The following KCND3 variants were observed in gnomAD, a reference collection of about 807,000 sequenced individuals.
KCND3 encodes the protein A-type voltage-gated potassium channel KCND3.
A neutral mutation model predicts 51.1 loss-of-function variants in KCND3; 9 were observed. The observed-to-expected ratio is 0.18, with a 90% CI of 0.11 to 0.31. The LOEUF is 0.31. KCND3 is among the 10% of genes least tolerant of loss of function. The probability of loss-of-function intolerance (pLI) is 1.00; values close to 1 mark genes in which losing one functional copy is unlikely to be tolerated. For synonymous variants in KCND3, 349 were observed against 368.0 expected (o/e 0.95, Z 0.59); for missense variants, 526 against 903.8 (o/e 0.58, Z 5.36).
intron 2 of KCND3, among the ~76,000 whole-genome samples, chr1:111,978,013 G>T (rs963137693): frequency 6.6e-6 from 1 of 152,202 alleles, no homozygotes; most frequent in African/African-American, 2.4e-5. Flanking sequence ...CCTGGGCAAA[G>T]CATAAAGGGT....
At chr1:111,865,920 G>C (rs1472808363) in intron 2 of KCND3, among the ~76,000 whole-genome samples, 1 of 152,100 alleles carries the variant, frequency 6.6e-6, no homozygotes, top group African/African-American at 2.4e-5. Flanking sequence ...TGCCTAGGCT[G>C]GTCTTAAACT....
chr1:111,945,637 T>G (rs1270992878), intron 2 of KCND3, among the ~76,000 whole-genome samples: 1 of 152,192 alleles, frequency 6.6e-6, no homozygotes. Context: ...CCTTGCCCCT[T>G]CATCACTTTC....
intron 2 of KCND3, among the ~76,000 whole-genome samples, chr1:111,797,302 G>A (rs918287912): frequency 2.6e-5 from 4 of 152,184 alleles, no homozygotes; most frequent in Admixed American, 1.3e-4. Flanking sequence ...CCAGTCATGC[G>A]TACATGAGGA....
intron 2 of KCND3, among the ~76,000 whole-genome samples, chr1:111,935,464 T>C (rs923813207): frequency 1.3e-5 from 2 of 151,598 alleles, no homozygotes; most frequent in Non-Finnish European, 3.0e-5. Context: ...TTAATTTCCT[T>C]ATTTGATTAT....
intron 2 of KCND3, among the ~76,000 whole-genome samples, chr1:111,809,314 C>CT (rs869227221): frequency 0.078 from 4,755 of 60,818 alleles, 279 homozygotes; most frequent in African/African-American, 0.28. Flanking sequence ...ATTTTTCTTT[C>CT]TTTTTTTTTT....
At chr1:111,953,931 AC>A (rs1268374517) in intron 2 of KCND3, among the ~76,000 whole-genome samples, 2 of 151,886 alleles carry the variant, frequency 1.3e-5, no homozygotes, top group East Asian at 3.9e-4. Flanking sequence ...CTAGCCCCAA[AC>A]CCTGGGAAGC....
intron 2 of KCND3, among the ~76,000 whole-genome samples, chr1:111,838,499 T>C (rs964619143): frequency 2.0e-5 from 3 of 151,804 alleles, no homozygotes; most frequent in Non-Finnish European, 4.4e-5. Context: ...CTACTAAAAA[T>C]ACAAAAAATT....
At position 111,780,902 on chromosome 1, in the gene KCND3, G is replaced by A. The variant is rs1664355459; in HGVS notation, c.1270-111C>T. ...CCAGGTGACACCTGATGAAGGGGAT[G>A]AGGCTGTTTCTCTCCAACCTCATGC... On this transcript the variant is annotated intron_variant, in intron 3 of 7. Transcript: ENST00000302127. The surrounding 1 kb of genome is among the most constrained non-coding windows in gnomAD (Gnocchi z 4.2). 7.0e-6 allele frequency: 6 copies of A among 859,774 alleles called. No homozygotes were observed. Among genetic ancestry groups the A allele is most frequent in the Non-Finnish European group, 1.1e-5 (6 of 527,488 alleles). The allele number at this position is 859,774 out of a possible 1,614,324, so 53.3% of individuals were successfully genotyped here.
chr1:111,818,040 G>GCACGCA (rs1553242149), intron 2 of KCND3, among the ~76,000 whole-genome samples: 9 of 148,074 alleles, frequency 6.1e-5, no homozygotes, highest in African/African-American at 2.2e-4. Flanking sequence ...ACACGCGCGT[G>GCACGCA]CACACACACA....
chr1:111,934,179 G>C (rs1291532602), intron 2 of KCND3, among the ~76,000 whole-genome samples: 1 of 152,168 alleles, frequency 6.6e-6, no homozygotes, highest in Admixed American at 6.5e-5. Flanking sequence ...AAAAGTGGGA[G>C]GTGGGAGGCA....
intron 2 of KCND3, among the ~76,000 whole-genome samples, chr1:111,878,694 T>C (rs1389667492): frequency 2.0e-5 from 3 of 152,210 alleles, no homozygotes; most frequent in African/African-American, 7.2e-5. Flanking sequence ...ACTCTCCCTA[T>C]ACTCCTGCCC....
At chr1:111,915,146 T>C (rs1438279684) in intron 2 of KCND3, among the ~76,000 whole-genome samples, 2 of 152,024 alleles carry the variant, frequency 1.3e-5, no homozygotes, top group East Asian at 3.8e-4. Flanking sequence ...GCAGCGGAGA[T>C]AAAGTGAGAT....
chr1:111,835,520 A>C (rs1056536754), intron 2 of KCND3, among the ~76,000 whole-genome samples: 2 of 152,178 alleles, frequency 1.3e-5, no homozygotes, highest in Non-Finnish European at 2.9e-5. Flanking sequence ...ATAAAACAGG[A>C]TGCGGTAAAG....
chr1:111,972,339 A>G (rs1295809352), intron 2 of KCND3, among the ~76,000 whole-genome samples: 1 of 150,934 alleles, frequency 6.6e-6, no homozygotes, highest in African/African-American at 2.4e-5. Context: ...CGCCCGGCTA[A>G]TTTTTTGTAT....
At chr1:111,935,286 G>A (rs184161686) in intron 2 of KCND3, among the ~76,000 whole-genome samples, 213 of 152,242 alleles carry the variant, frequency 1.4e-3, no homozygotes, top group Middle Eastern at 0.01. Context: ...CCCAACCTAC[G>A]TCATGCTCCC....
Position 111,776,177 on chromosome 1 carries a change from A to C in KCND3, c.1868T>G (p.Leu623Arg). ...TGGCCGACTTTCCCCCTCTGGGGTT[A>C]GCGCTGGGGGAGTGGGGATGCTGAT... ...AIISIPTPPALTPEGESRPPP... is the reference protein window; with the variant it reads ...AIISIPTPPARTPEGESRPPP... Residue 623 changes from leucine (L) to arginine (R), a missense_variant, in exon 8 of 8, where the codon CTA becomes CGA. By Grantham distance (102) the Leu-to-Arg change is moderately radical. Coordinates refer to ENST00000302127, the MANE Select transcript of KCND3 (RefSeq NM_001378969.1). The C allele has an allele frequency of 6.2e-7, 1 of 1,613,890 alleles. No individual in the cohort carries two copies. The highest frequency in any genetic ancestry group is 8.5e-7 in the Non-Finnish European group (1 of 1,179,804).
Position 111,981,785 on chromosome 1 carries a change from C to T in KCND3, c.942G>A (p.Leu314=). ...AGCCCAGTTCGGAGGCACAGCTCTT[C>T]AGTGTGTAGCCCAGGATCCGCAGGC... ...SQGLRILGYT[L]KSCASELGFL... Residue 314 remains leucine (L), a synonymous_variant, in exon 2 of 8, where the codon CTG becomes CTA. Coordinates refer to ENST00000302127, the MANE Select transcript of KCND3 (RefSeq NM_001378969.1). This position sits in a 1 kb window ranked among gnomAD's most constrained non-coding sequence, Gnocchi z 6.2. 1 of 1,614,130 alleles carries T rather than the reference C, an allele frequency of 6.2e-7. No individual in the cohort carries two copies. The highest frequency in any genetic ancestry group is 1.1e-5 in the South Asian group (1 of 91,080).
At chr1:111,808,855 A>T (rs1665700787) in intron 2 of KCND3, among the ~76,000 whole-genome samples, 1 of 152,222 alleles carries the variant, frequency 6.6e-6, no homozygotes, top group Non-Finnish European at 1.5e-5. Context: ...TGGAGAACCA[A>T]GATGTGCCTT....
At chr1:111,900,760 C>A (rs1334016310) in intron 2 of KCND3, among the ~76,000 whole-genome samples, 2 of 152,100 alleles carry the variant, frequency 1.3e-5, no homozygotes, top group East Asian at 3.8e-4. Flanking sequence ...AATTCGAGAC[C>A]AGCCTGGCCA....
Sources: allele counts gnomAD v4.1 joint callset (sites outside exome capture counted in the v4.1 genomes callset), GRCh38; gene constraint gnomAD v4.1.1; non-coding constraint Gnocchi (gnomAD v3.1); transcripts MANE v1.5; gene names NCBI Gene and HGNC (gene_info 2026-07-23, HGNC 2026-07-21).